FRMPD4: variants seen among roughly 807,000 people sequenced by gnomAD.
FRMPD4 encodes the protein FERM and PDZ domain-containing protein 4.
In FRMPD4, 22 loss-of-function variants were observed where a neutral mutation model predicts 94.1. The observed-to-expected ratio is 0.23, with a 90% CI of 0.17 to 0.33. FRMPD4 has a LOEUF of 0.33. Among genes scored for constraint, FRMPD4 ranks in the 10% least tolerant of loss-of-function variants. The probability of loss-of-function intolerance (pLI) is 1.00; values close to 1 mark genes in which losing one functional copy is unlikely to be tolerated. For missense variants in FRMPD4, 1,111 were observed against 1,339.9 expected (o/e 0.83, Z 2.67); for synonymous variants, 631 against 548.6 (o/e 1.15, Z -2.10).
chrX:12,242,659 T>A (rs2053894674), intron 1 of FRMPD4, among the ~76,000 whole-genome samples: 1 of 112,664 alleles, frequency 8.9e-6, no homozygotes, highest in Admixed American at 9.4e-5. Flanking sequence ...CTACTGCCAA[T>A]AAACATTGGA....
At chrX:12,496,695 C>T (rs1198810496) in intron 1 of FRMPD4, among the ~76,000 whole-genome samples, 2 of 111,466 alleles carry the variant, frequency 1.8e-5, no homozygotes, top group Admixed American at 1.9e-4. Context: ...ATACTAAGGC[C>T]TTTCAGATCC....
chrX:12,580,669 G>A (rs2058855579), intron 2 of FRMPD4, among the ~76,000 whole-genome samples: 1 of 111,528 alleles, frequency 9.0e-6, no homozygotes. Context: ...TATAGACGTT[G>A]TGGCATAGCT....
rs771074941 is a variant in FRMPD4 at position 12,297,451 on chromosome X, T to TA, written c.41+158445dup. ...AATTATGAGAGAAACAGAATTATGG[T>TA]AAAAAACAGAATTGTGAGTATGACA... is the stretch of plus-strand genomic sequence containing the variant. On this transcript the variant is annotated intron_variant, in intron 1 of 16. Transcript: ENST00000675598. Among the ~76,000 whole-genome samples, 402 of 111,599 alleles carry TA rather than the reference T, an allele frequency of 3.6e-3. 2 individuals carry two copies. The highest frequency in any genetic ancestry group is 0.01 in the African/African-American group (314 of 30,631).
chrX:12,335,622 A>C (rs775292882), intron 1 of FRMPD4, among the ~76,000 whole-genome samples: 1 of 110,989 alleles, frequency 9.0e-6, no homozygotes, highest in Non-Finnish European at 1.9e-5. Context: ...TGCTTTCACT[A>C]TCTACTCTCT....
chrX:11,842,847 C>T (rs996443120), intron 1 of FRMPD4, among the ~76,000 whole-genome samples: 2 of 106,348 alleles, frequency 1.9e-5, no homozygotes, highest in Admixed American at 1.0e-4. Context: ...GGGAATGCTT[C>T]CAGTTTTTGC....
chrX:11,931,635 C>T (rs1852647742), intron 3 of FRMPD4, among the ~76,000 whole-genome samples: 1 of 112,444 alleles, frequency 8.9e-6, no homozygotes. Flanking sequence ...ACAGACTTAA[C>T]TCTACTGCAT....
chrX:11,847,692 C>G (rs1291425472), intron 1 of FRMPD4, among the ~76,000 whole-genome samples: 2 of 110,228 alleles, frequency 1.8e-5, no homozygotes, highest in African/African-American at 3.3e-5. Context: ...CCATGGAATA[C>G]TATGTAGCCA....
At chrX:12,167,206 C>A (rs1432800888) in intron 1 of FRMPD4, among the ~76,000 whole-genome samples, 1 of 111,837 alleles carries the variant, frequency 8.9e-6, no homozygotes, top group Non-Finnish European at 1.9e-5. Context: ...ATAAATTTCC[C>A]TCTACACACT....
At chrX:12,030,897 T>C (rs939047855) in intron 3 of FRMPD4, among the ~76,000 whole-genome samples, 5 of 112,234 alleles carry the variant, frequency 4.5e-5, no homozygotes, top group African/African-American at 1.6e-4. Context: ...TAAGGTACTC[T>C]AACAGATTCC....
chrX:12,421,709 C>G (rs914181892), intron 1 of FRMPD4, among the ~76,000 whole-genome samples: 2 of 102,410 alleles, frequency 2.0e-5, no homozygotes, highest in South Asian at 4.9e-4. Context: ...CTGCAGTGAG[C>G]TATGACTGGG....
intron 1 of FRMPD4, among the ~76,000 whole-genome samples, chrX:11,836,903 T>C (rs963566279): frequency 2.2e-4 from 25 of 112,129 alleles, no homozygotes; most frequent in African/African-American, 7.1e-4. Flanking sequence ...CTAAGAGAAG[T>C]ATATGTTCAT....
intron 3 of FRMPD4, among the ~76,000 whole-genome samples, chrX:11,951,344 G>C (rs2897728): frequency 6.3e-5 from 7 of 110,376 alleles, no homozygotes; most frequent in Non-Finnish European, 1.9e-5. Context: ...ATCAACCTAA[G>C]AGCCTGTCAA....
chrX:12,505,993 A>AT (rs780212458), intron 2 of FRMPD4, among the ~76,000 whole-genome samples: 5 of 112,096 alleles, frequency 4.5e-5, no homozygotes, highest in South Asian at 3.8e-4. Context: ...ACGAGTAGCC[A>AT]TGTCACATAT....
At chrX:12,518,217 G>A (rs1285742736) in intron 2 of FRMPD4, among the ~76,000 whole-genome samples, 2 of 111,667 alleles carry the variant, frequency 1.8e-5, no homozygotes, top group Non-Finnish European at 3.8e-5. Context: ...CCCTCCCCCT[G>A]TAAATTGGTA....
intron 1 of FRMPD4, among the ~76,000 whole-genome samples, chrX:12,274,151 T>C (rs895707399): frequency 1.1e-4 from 12 of 110,619 alleles, no homozygotes; most frequent in African/African-American, 3.9e-4. Flanking sequence ...TTTTTTAAGA[T>C]TGAAGAAATA....
intron 1 of FRMPD4, among the ~76,000 whole-genome samples, chrX:11,849,246 G>A (rs1438869441): frequency 9.0e-6 from 1 of 111,478 alleles, no homozygotes; most frequent in African/African-American, 3.3e-5. Flanking sequence ...AAAAGGAGGT[G>A]TAAGACTTAT....
chrX:12,519,714 G>A (rs2058141115), intron 2 of FRMPD4, among the ~76,000 whole-genome samples: 1 of 112,208 alleles, frequency 8.9e-6, no homozygotes, highest in Admixed American at 9.4e-5. Context: ...ACAGCAAAAT[G>A]TCAAACAACT....
intron 3 of FRMPD4, among the ~76,000 whole-genome samples, chrX:12,130,709 G>A (rs1056023977): frequency 1.8e-5 from 2 of 110,489 alleles, no homozygotes; most frequent in African/African-American, 3.3e-5. Flanking sequence ...AGTCTTCAAG[G>A]CTAGAGCAAT....
At chrX:11,887,695 G>A (rs888799652) in intron 3 of FRMPD4, among the ~76,000 whole-genome samples, 1 of 112,024 alleles carries the variant, frequency 8.9e-6, no homozygotes, top group Non-Finnish European at 1.9e-5. Context: ...GTACCCAGCC[G>A]ATCTATGTGC....
Sources: allele counts gnomAD v4.1 joint callset (sites outside exome capture counted in the v4.1 genomes callset), GRCh38; gene constraint gnomAD v4.1.1; transcripts MANE v1.5; gene names NCBI Gene and HGNC (gene_info 2026-07-23, HGNC 2026-07-21).